The following SYT2 variants were observed in gnomAD, a reference collection of about 807,000 sequenced individuals.
SYT2 encodes the protein synaptotagmin-2.
A neutral mutation model predicts 39.9 loss-of-function variants in SYT2; 15 were observed. That is an observed-to-expected ratio of 0.38 (90% confidence interval 0.25 to 0.58). SYT2 has a LOEUF of 0.58. Among genes scored for constraint, SYT2 ranks in the 20% least tolerant of loss-of-function variants. The probability of loss-of-function intolerance (pLI) is 0.70; values close to 1 mark genes in which losing one functional copy is unlikely to be tolerated. For synonymous variants in SYT2, 181 were observed against 204.5 expected (o/e 0.89, Z 0.98); for missense variants, 389 against 530.3 (o/e 0.73, Z 2.62).
intron 1 of SYT2, among the ~76,000 whole-genome samples, chr1:202,621,152 A>T (rs1372911902): frequency 6.6e-6 from 1 of 152,126 alleles, no homozygotes; most frequent in Non-Finnish European, 1.5e-5. Flanking sequence ...AAAATATTTC[A>T]CTGGGTATCT....
intron 1 of SYT2, among the ~76,000 whole-genome samples, chr1:202,701,972 C>T (rs1364164957): frequency 6.6e-6 from 1 of 152,192 alleles, no homozygotes; most frequent in Non-Finnish European, 1.5e-5. Flanking sequence ...GCCACACACA[C>T]GCTGCTTCAG....
chr1:202,706,684 T>G (rs1343426762), intron 1 of SYT2, among the ~76,000 whole-genome samples: 1 of 152,228 alleles, frequency 6.6e-6, no homozygotes, highest in Non-Finnish European at 1.5e-5. Flanking sequence ...GAAACTATAT[T>G]ATTTATCACA....
intron 1 of SYT2, among the ~76,000 whole-genome samples, chr1:202,644,930 T>G (rs1692048132): frequency 6.6e-6 from 1 of 152,104 alleles, no homozygotes; most frequent in Non-Finnish European, 1.5e-5. Context: ...GGCTGGAGCC[T>G]CTCTTCAGAA....
chr1:202,678,031 T>C (rs1289997481), intron 1 of SYT2, among the ~76,000 whole-genome samples: 1 of 152,182 alleles, frequency 6.6e-6, no homozygotes, highest in Non-Finnish European at 1.5e-5. Context: ...CCCAGCACTT[T>C]GAGAGGCCAA....
chr1:202,619,319 A>T (rs141388892), intron 1 of SYT2, among the ~76,000 whole-genome samples: 4 of 152,182 alleles, frequency 2.6e-5, no homozygotes, highest in Admixed American at 2.6e-4. Flanking sequence ...CGAGCAGGAA[A>T]GCATGAAATG....
At chr1:202,622,201 AAT>A (rs1332502008) in intron 1 of SYT2, among the ~76,000 whole-genome samples, 2 of 152,232 alleles carry the variant, frequency 1.3e-5, no homozygotes, top group Non-Finnish European at 2.9e-5. Flanking sequence ...CTTAAGGAGA[AAT>A]ATATGTCTTT....
At chr1:202,673,658 C>CA (rs1469693740) in intron 1 of SYT2, among the ~76,000 whole-genome samples, 1 of 152,228 alleles carries the variant, frequency 6.6e-6, no homozygotes, top group African/African-American at 2.4e-5. Flanking sequence ...CTTGCCCGCA[C>CA]ACCCAGCTCC....
intron 8 of SYT2, among the ~76,000 whole-genome samples, chr1:202,598,707 C>G (rs1690387604): frequency 6.6e-6 from 1 of 152,200 alleles, no homozygotes; most frequent in Admixed American, 6.5e-5. Context: ...AACCAGACCT[C>G]ATCTCCAACA....
intron 1 of SYT2, among the ~76,000 whole-genome samples, chr1:202,702,260 TC>T (rs879484881): frequency 3.3e-5 from 5 of 152,202 alleles, no homozygotes; most frequent in African/African-American, 4.8e-5. Context: ...TCTTGATGCT[TC>T]CCTGCCTCCT....
At chr1:202,633,408 G>A (rs1691649725) in intron 1 of SYT2, among the ~76,000 whole-genome samples, 1 of 145,272 alleles carries the variant, frequency 6.9e-6, no homozygotes, top group Non-Finnish European at 1.5e-5. Context: ...GCTTTTTTCT[G>A]GCTGAGAGAA....
intron 1 of SYT2, among the ~76,000 whole-genome samples, chr1:202,694,909 G>A (rs1200753912): frequency 6.6e-6 from 1 of 151,918 alleles, no homozygotes; most frequent in Non-Finnish European, 1.5e-5. Flanking sequence ...ATAAACCTTT[G>A]GCTGGAAGGA....
At chr1:202,638,337 GA>G (rs1196794971) in intron 1 of SYT2, among the ~76,000 whole-genome samples, 5 of 150,874 alleles carry the variant, frequency 3.3e-5, no homozygotes, top group Admixed American at 6.6e-5. Context: ...AACAAAGGAA[GA>G]AAAAAAAATA....
Position 202,694,999 on chromosome 1 carries a change from C to T in SYT2, c.-18+15259G>A, listed in dbSNP as rs112467865. ...TCTCTGCGGAAGGTCTCACCCCCTG[C>T]TTGGTCTTTTGTTACAATATCTAAC... On this transcript the variant is annotated intron_variant, in intron 1 of 8. Transcript: ENST00000367268. Among the ~76,000 whole-genome samples the T allele has an allele frequency of 8.9e-3, 1,352 of 152,264 alleles. 18 individuals are homozygous for T. The highest frequency in any genetic ancestry group is 0.031 in the African/African-American group (1,294 of 41,546).
intron 1 of SYT2, among the ~76,000 whole-genome samples, chr1:202,646,627 C>T (rs1692088779): frequency 6.6e-6 from 1 of 152,296 alleles, no homozygotes; most frequent in Non-Finnish European, 1.5e-5. Flanking sequence ...AACTTTCTCA[C>T]CTGCGACATG....
At chr1:202,650,928 G>A (rs1316311680) in intron 1 of SYT2, among the ~76,000 whole-genome samples, 1 of 152,034 alleles carries the variant, frequency 6.6e-6, no homozygotes, top group Non-Finnish European at 1.5e-5. Context: ...CTCCAGCGTG[G>A]AAGAAGGAGG....
chr1:202,595,824 T>C lies in SYT2; in HGVS notation c.*933A>G, dbSNP rs1393100196. 1.3e-5 allele frequency: 2 copies of C among 152,242 alleles called. No homozygotes were observed. Among genetic ancestry groups the C allele is most frequent in the East Asian group, 1.9e-4 (1 of 5,202 alleles). 9.4% of individuals were successfully genotyped at this position (152,242 alleles called of 1,614,324 possible). ...TTGGTCTTTCTGGTAATGGGACTTC[T>C]GTTTCTTCATAGTTTGATATTTATT... On this transcript the variant is annotated 3_prime_UTR_variant, in exon 9 of 9. Coordinates refer to ENST00000367268, the MANE Select transcript of SYT2 (RefSeq NM_177402.5).
At chr1:202,687,427 G>C (rs1007053493) in intron 1 of SYT2, among the ~76,000 whole-genome samples, 18 of 152,132 alleles carry the variant, frequency 1.2e-4, no homozygotes, top group Admixed American at 1.2e-3. Context: ...ACAGAGCAGA[G>C]CCTTGACTCC....
rs1377551188 is a variant in SYT2 at position 202,628,995 on chromosome 1, C to T, written c.-17-23206G>A. Among the ~76,000 whole-genome samples the T allele has an allele frequency of 3.3e-5, 5 of 152,200 alleles. No individual in the cohort carries two copies. The highest frequency in any genetic ancestry group is 7.3e-5 in the Non-Finnish European group (5 of 68,040). ...TGCGCAGGGCTGCGAGGCTTAGGAG[C>T]ACTGTATGTAAAGCATGGTATTATG... is the stretch of plus-strand genomic sequence containing the variant. On this transcript the variant is annotated intron_variant, in intron 1 of 8. Transcript: ENST00000367268. The surrounding 1 kb of genome is among the most constrained non-coding windows in gnomAD (Gnocchi z 4.2).
intron 3 of SYT2, 125 bp from the exon 4 acceptor site, chr1:202,603,243 G>T: frequency 7.5e-7 from 1 of 1,333,310 alleles, no homozygotes. Context: ...TGTGTGGTGG[G>T]AACACAAGAG....
Sources: gnomAD v4.1 joint callset for allele counts (sites outside exome capture counted in the v4.1 genomes callset) on GRCh38, gnomAD v4.1.1 for gene constraint, Gnocchi (gnomAD v3.1) non-coding constraint, MANE v1.5 for transcripts, NCBI Gene and HGNC (gene_info 2026-07-23, HGNC 2026-07-21) for gene names.